SSC5D: variants seen among roughly 807,000 people sequenced by gnomAD.
The protein encoded by SSC5D is scavenger receptor cysteine rich family member with 5 domains.
A neutral mutation model predicts 104.6 loss-of-function variants in SSC5D; 106 were observed. That is an observed-to-expected ratio of 1.01 (90% CI 0.87 to 1.19). The LOEUF (loss-of-function observed/expected upper bound fraction) is 1.19, where lower values mean the gene tolerates loss of function less well. Among genes scored for constraint, SSC5D ranks in the 50% most tolerant of loss-of-function variants. SSC5D has a pLI of 0.00. For synonymous variants in SSC5D, 860 were observed against 883.5 expected (o/e 0.97, Z 0.47); for missense variants, 1,993 against 2,153.8 (o/e 0.93, Z 1.48).
In SSC5D at chr19:55,517,646, A is replaced by G. The variant is rs1461579961; in HGVS notation, c.3370A>G (p.Thr1124Ala). ...TSEQVPESDT[T>A]PDLDTTPYSS... ...AGAGCAGGTCCCAGAATCTGACACA[A>G]CCCCAGATTTGGACACAACTCCATA... is the stretch of plus-strand genomic sequence containing the variant. Residue 1124 changes from threonine to alanine, a missense_variant, in exon 14 of 14, where the codon ACC (threonine) becomes GCC (alanine). Physicochemically the swap from Thr to Ala is moderately conservative, Grantham distance 58 (BLOSUM62 0). This residue lies in a region of SSC5D where 423 missense variants were observed against 409.2 expected (regional missense o/e 1.03). Transcript: ENST00000389623. 2 of 1,551,024 alleles carry G rather than the reference A, an allele frequency of 1.3e-6. No homozygotes were observed. Among genetic ancestry groups the G allele is most frequent in the East Asian group, 2.4e-5 (1 of 40,884 alleles).
intron 8 of SSC5D, among the ~76,000 whole-genome samples, chr19:55,495,898 G>A (rs1264574242): frequency 3.5e-5 from 5 of 141,404 alleles, no homozygotes; most frequent in Non-Finnish European, 7.6e-5. Flanking sequence ...ACCGAGCCTG[G>A]CTATTTTTTT....
intron 12 of SSC5D, among the ~76,000 whole-genome samples, chr19:55,512,444 C>T (rs2678154): frequency 0.99 from 147,201 of 148,170 alleles, 73,155 homozygotes; most frequent in Non-Finnish European, 1. Flanking sequence ...GTTTTTCCCC[C>T]GCTAGGGCAG....
intron 12 of SSC5D, among the ~76,000 whole-genome samples, chr19:55,505,737 TTTTA>T (rs1322726232): frequency 6.6e-6 from 1 of 151,714 alleles, no homozygotes; most frequent in African/African-American, 2.4e-5. Flanking sequence ...GGTTCTCTGA[TTTTA>T]TTTATTTATT....
rs113498304 is a variant in SSC5D at position 55,490,645 on chromosome 19, C to T, written c.587-127C>T. The T allele has an allele frequency of 2.6e-4, 298 of 1,156,928 alleles. No individual in the cohort carries two copies. The African/African-American group carries it at 3.1e-3, about 12-fold the overall frequency. 71.7% of individuals were successfully genotyped at this position (1,156,928 alleles called of 1,614,324 possible). On this transcript the variant is annotated intron_variant, in intron 5 of 13. Coordinates refer to ENST00000389623, the MANE Select transcript of SSC5D (RefSeq NM_001144950.2). ...CTCAGGTCGTGGACTCACCTCTTCA[C>T]GGGCTGCCGGCGGACAGATCTCAGG...
chr19:55,490,549 G>T lies in SSC5D; in HGVS notation c.586+141G>T, dbSNP rs1987110925. 3 of 621,650 alleles carry T rather than the reference G, an allele frequency of 4.8e-6. No homozygotes were observed. The South Asian group carries it at 6.3e-5, about 13-fold the overall frequency. 38.5% of individuals were successfully genotyped at this position (621,650 alleles called of 1,614,324 possible). ...AGTGTTCCCCGCGTCCCTCCCCCGG[G>T]GATTTAGACGGCCAGGCCTGGTCTC... On this transcript the variant is annotated intron_variant, in intron 5 of 13. Transcript: ENST00000389623.
rs1000094188 is a variant in SSC5D at position 55,489,377 on chromosome 19, C to T, written c.76C>T (p.Pro26Ser). The change falls in exon 3 of 14, where the codon CCC becomes TCC. Residue 26 changes from proline (P) to serine (S), a missense_variant. Coordinates refer to ENST00000389623, the MANE Select transcript of SSC5D (RefSeq NM_001144950.2). Reference sequence around the variant, plus strand: ...AGAGCGCCTGCGCCTGGCCGATGGCCCCCATGGGTGCGCTGGCCGCCTGGA... The same window carrying T: ...AGAGCGCCTGCGCCTGGCCGATGGCTCCCATGGGTGCGCTGGCCGCCTGGA... ...AVERLRLADG[P>S]HGCAGRLEVW... The T allele has an allele frequency of 7.4e-5, 109 of 1,474,620 alleles. No homozygotes were observed. Among genetic ancestry groups the T allele is most frequent in the Non-Finnish European group, 9.4e-5 (105 of 1,120,532 alleles). 91.3% of individuals were successfully genotyped at this position (1,474,620 alleles called of 1,614,324 possible).
In SSC5D at chr19:55,497,864, G is replaced by T. The variant is rs1406034352; in HGVS notation, c.1388-16G>T. On this transcript the variant is annotated splice_polypyrimidine_tract_variant and intron_variant, in intron 8 of 13. Coordinates refer to ENST00000389623, the MANE Select transcript of SSC5D (RefSeq NM_001144950.2). Reference sequence around the variant, plus strand: ...GGCTTCCCCGACTCTAATTCTTTGGGTCTCTTCTACCCCAGGGTCCCCCCA... The same window carrying T: ...GGCTTCCCCGACTCTAATTCTTTGGTTCTCTTCTACCCCAGGGTCCCCCCA... 2.0e-6 allele frequency: 3 copies of T among 1,508,734 alleles called. No individual in the cohort carries two copies. Among genetic ancestry groups the T allele is most frequent in the South Asian group, 1.3e-5 (1 of 79,116 alleles). 93.5% of individuals were successfully genotyped at this position (1,508,734 alleles called of 1,614,324 possible).
In SSC5D at chr19:55,499,924, C is replaced by T. The variant is rs752540867; in HGVS notation, c.1814C>T (p.Ser605Phe). 100 of 1,551,730 alleles carry T rather than the reference C, an allele frequency of 6.4e-5. 3 individuals are homozygous for T. The Middle Eastern group carries it at 1.0e-2, about 155-fold the overall frequency. Reference protein sequence around the residue: ...WLPGELATKPSASVTASVLEK... With the variant: ...WLPGELATKPFASVTASVLEK... ...CCGGGAGAGCTGGCCACCAAGCCCT[C>T]TGCAAGTGTGACTGCCAGTGTTCTG... Residue 605 changes from serine to phenylalanine, a missense_variant, in exon 10 of 14, where the codon TCT becomes TTT. By Grantham distance (155) the Ser-to-Phe change is radical. Coordinates refer to ENST00000389623, the MANE Select transcript of SSC5D (RefSeq NM_001144950.2).
At chr19:55,507,685 A>G (rs113980301) in intron 12 of SSC5D, among the ~76,000 whole-genome samples, 68 of 151,384 alleles carry the variant, frequency 4.5e-4, no homozygotes, top group Middle Eastern at 3.4e-3. Flanking sequence ...AAAAAAAAAA[A>G]AAAGAAAAAA....
intron 7 of SSC5D, 44 bp from the exon 8 acceptor site, chr19:55,494,566 G>A (rs1378620834): frequency 1.4e-6 from 2 of 1,462,722 alleles, no homozygotes; most frequent in Non-Finnish European, 1.8e-6. Flanking sequence ...GCTCCGGGAT[G>A]GAGGGTGTGT....
Position 55,493,652 on chromosome 19 carries a change from A to T in SSC5D, c.953A>T (p.Glu318Val). The T allele has an allele frequency of 2.0e-6, 3 of 1,502,794 alleles. No individual in the cohort carries two copies. The highest frequency in any genetic ancestry group is 2.6e-6 in the Non-Finnish European group (3 of 1,133,772). The allele number at this position is 1,502,794 out of a possible 1,614,324, so 93.1% of individuals were successfully genotyped here. ...DGPHGCAGRL[E>V]VWHGGRWGSV... ...CCCCACGGGTGCGCCGGCCGCCTGG[A>T]GGTCTGGCACGGGGGTCGCTGGGGG... is the stretch of plus-strand genomic sequence containing the variant. The change falls in exon 7 of 14, where the codon GAG becomes GTG. Residue 318 changes from glutamate (E) to valine (V), a missense_variant. Around this residue, in one of 6 missense-constraint regions of SSC5D, gnomAD observed 1,101 missense variants for 1,085.0 expected, o/e 1.01. Coordinates refer to ENST00000389623, the MANE Select transcript of SSC5D (RefSeq NM_001144950.2).
chr19:55,490,834 G>C lies in SSC5D; in HGVS notation c.649G>C (p.Gly217Arg). 6.5e-7 allele frequency: 1 copy of C among 1,547,152 alleles called. No individual in the cohort carries two copies. Among genetic ancestry groups the C allele is most frequent in the Non-Finnish European group, 8.7e-7 (1 of 1,145,470 alleles). Residue 217 changes from glycine (G) to arginine (R), a missense_variant, in exon 6 of 14, where the codon GGG becomes CGG. By Grantham distance (125) the Gly-to-Arg change is moderately radical. Transcript: ENST00000389623. Reference sequence around the variant, plus strand: ...CGGACGCCTGGAGGTCTGGCACGGCGGGCGCTGGGGCACCGTATGTGACGA... The same window carrying C: ...CGGACGCCTGGAGGTCTGGCACGGCCGGCGCTGGGGCACCGTATGTGACGA... Reference protein sequence around the residue: ...CAGRLEVWHGGRWGTVCDDGW... With the variant: ...CAGRLEVWHGRRWGTVCDDGW...
rs1188954661 is a variant in SSC5D, at chr19:55,500,707, C to T, written c.2520C>T (p.Gly840=). Residue 840 remains glycine, a synonymous_variant, in exon 11 of 14, where the codon GGC becomes GGT. Transcript: ENST00000389623. The surrounding 1 kb of genome is among the most constrained non-coding windows in gnomAD (Gnocchi z 4.6). ...GGCCCATCTGGCTGGATGACATGGG[C>T]TGTAAGGGAAGCGAGGCCTCACTGA... ...GTGPIWLDDM[G]CKGSEASLSD... is the part of the protein sequence containing the mutation. 3 of 1,551,692 alleles carry T rather than the reference C, an allele frequency of 1.9e-6. No homozygotes were observed. The highest frequency in any genetic ancestry group is 2.4e-5 in the East Asian group (1 of 40,926).
chr19:55,507,883 C>T (rs1206512157), intron 12 of SSC5D, among the ~76,000 whole-genome samples: 1 of 151,756 alleles, frequency 6.6e-6, no homozygotes, highest in Non-Finnish European at 1.5e-5. Flanking sequence ...GCAGGGAGCC[C>T]GGGAGGTCCA....
At chr19:55,515,099 C>T (rs116887872) in intron 13 of SSC5D, among the ~76,000 whole-genome samples, 2,201 of 152,212 alleles carry the variant, frequency 0.014, 25 homozygotes, top group Middle Eastern at 0.037. Flanking sequence ...TGGTTCAATA[C>T]GGTAGCTAAG....
At chr19:55,492,019 G>C (rs963525544) in intron 6 of SSC5D, 5 of 152,780 alleles carry the variant, frequency 3.3e-5, no homozygotes, top group Non-Finnish European at 7.3e-5. Flanking sequence ...GGTATCCAGG[G>C]GGGAGAGAAG....
In SSC5D at chr19:55,493,852, G is replaced by A; in HGVS notation, c.1153G>A (p.Ala385Thr). 6.5e-7 allele frequency: 1 copy of A among 1,549,308 alleles called. No individual in the cohort carries two copies. The highest frequency in any genetic ancestry group is 1.2e-5 in the South Asian group (1 of 84,054). Residue 385 changes from alanine to threonine, a missense_variant, in exon 7 of 14, where the codon GCT (alanine) becomes ACT (threonine). Physicochemically the swap from Ala to Thr is moderately conservative, Grantham distance 58. Transcript: ENST00000389623. ...CGAGACGGCCTTACGATTCTGCCCA[G>A]CTCGGCCCTGGGGCCAGCATGACTG... ...GNETALRFCP[A>T]RPWGQHDCHH...
At position 55,491,017 on chromosome 19, in the gene SSC5D, C is replaced by A. The variant is rs1488928655; in HGVS notation, c.832C>A (p.Pro278Thr). 2 of 1,550,192 alleles carry A rather than the reference C, an allele frequency of 1.3e-6. No individual in the cohort carries two copies. The highest frequency in any genetic ancestry group is 1.7e-6 in the Non-Finnish European group (2 of 1,146,712). The change falls in exon 6 of 14, where the codon CCC (proline) becomes ACC (threonine). Residue 278 changes from proline to threonine, a missense_variant. Pro to Thr is a conservative substitution (Grantham distance 38). Transcript: ENST00000389623. ...AGGAGAACAGGCCCTCCGAGACTGC[C>A]CCCGAAGCCCCTGGGGCCGGAGCAA... ...GGGEQALRDC[P>T]RSPWGRSNCD...
At chr19:55,489,733 C>A (rs1437975176) in intron 3 of SSC5D, 71 bp downstream of exon 3, 27 of 1,507,564 alleles carry the variant, frequency 1.8e-5, no homozygotes, top group Non-Finnish European at 2.4e-5. Context: ...AAGTCCTTAG[C>A]CCCAGCAAGT....
Sources: allele counts gnomAD v4.1 joint callset (sites outside exome capture counted in the v4.1 genomes callset), GRCh38; gene constraint gnomAD v4.1.1; regional missense constraint gnomAD v4.1.1; non-coding constraint Gnocchi (gnomAD v3.1); transcripts MANE v1.5; gene names NCBI Gene and HGNC (gene_info 2026-07-23, HGNC 2026-07-21).